BCL2: variants seen among roughly 807,000 people sequenced by gnomAD.
The protein encoded by BCL2 is apoptosis regulator Bcl-2.
A neutral mutation model predicts 14.2 loss-of-function variants in BCL2; 1 was observed. The ratio of observed to expected loss-of-function variants is 0.07; its 90% CI spans 0.02 to 0.33. The LOEUF is 0.33. Ranked by LOEUF, BCL2 falls within the 10% of genes least tolerant of loss-of-function variation. The probability of loss-of-function intolerance (pLI) is 0.99; values close to 1 mark genes in which losing one functional copy is unlikely to be tolerated. For synonymous variants in BCL2, 151 were observed against 137.2 expected (o/e 1.10, Z -0.70); for missense variants, 247 against 305.9 (o/e 0.81, Z 1.44).
chr18:63,306,658 T>C (rs1913145115), intron 2 of BCL2, among the ~76,000 whole-genome samples: 1 of 152,212 alleles, frequency 6.6e-6, no homozygotes, highest in East Asian at 1.9e-4. Flanking sequence ...AAGACTTCCT[T>C]GACTCCAATA....
chr18:63,265,057 C>CT (rs1911785427), intron 2 of BCL2, among the ~76,000 whole-genome samples: 1 of 152,174 alleles, frequency 6.6e-6, no homozygotes, highest in Non-Finnish European at 1.5e-5. Context: ...AGTGGAGAAG[C>CT]ACCTGTGGCA....
At chr18:63,266,211 T>C (rs757320825) in intron 2 of BCL2, among the ~76,000 whole-genome samples, 1 of 152,008 alleles carries the variant, frequency 6.6e-6, no homozygotes, top group Admixed American at 6.6e-5. Context: ...GGTATATCCC[T>C]ACAATGGGCT....
At chr18:63,228,418 C>G (rs1260486935) in intron 2 of BCL2, among the ~76,000 whole-genome samples, 4 of 152,166 alleles carry the variant, frequency 2.6e-5, no homozygotes, top group African/African-American at 9.7e-5. Context: ...AACAGCATAA[C>G]TTTATACCCC....
At chr18:63,235,951 A>G (rs1910818326) in intron 2 of BCL2, among the ~76,000 whole-genome samples, 1 of 152,218 alleles carries the variant, frequency 6.6e-6, no homozygotes, top group South Asian at 2.1e-4. Context: ...ATAAGATGAT[A>G]TGATTTGGCT....
intron 2 of BCL2, among the ~76,000 whole-genome samples, chr18:63,199,518 A>G (rs1292307395): frequency 6.6e-6 from 1 of 151,526 alleles, no homozygotes; most frequent in Non-Finnish European, 1.5e-5. Flanking sequence ...ACACAGAGAC[A>G]CACACAACAC....
At chr18:63,244,772 A>G (rs182016027) in intron 2 of BCL2, among the ~76,000 whole-genome samples, 38 of 152,320 alleles carry the variant, frequency 2.5e-4, no homozygotes, top group Admixed American at 4.6e-4. Context: ...AATCTCAAGG[A>G]AAGAAAGAAA....
intron 2 of BCL2, among the ~76,000 whole-genome samples, chr18:63,180,505 C>G (rs935166739): frequency 2.0e-5 from 3 of 151,864 alleles, no homozygotes; most frequent in African/African-American, 7.3e-5. Flanking sequence ...AGAAGCTGTC[C>G]GCCCACCCCA....
chr18:63,274,364 C>A (rs1349634816), intron 2 of BCL2, among the ~76,000 whole-genome samples: 1 of 141,824 alleles, frequency 7.1e-6, no homozygotes, highest in East Asian at 2.1e-4. Context: ...CTCACTGCAA[C>A]CTCCTCCTCT....
chr18:63,275,682 T>C (rs1912132287), intron 2 of BCL2, among the ~76,000 whole-genome samples: 2 of 152,232 alleles, frequency 1.3e-5, no homozygotes, highest in African/African-American at 2.4e-5. Flanking sequence ...TATCCAATTA[T>C]CTCTCTACTG....
Position 63,124,962 on chromosome 18 carries a change from A to T in BCL2, c.*3663T>A, listed in dbSNP as rs569181589. ...GGAATTAATTAGAGTTTAAGTTCAC[A>T]TTTATAAACTATTTGTTTTAGGATA... is the stretch of plus-strand genomic sequence containing the variant. On this transcript the variant is annotated 3_prime_UTR_variant, in exon 3 of 3. Transcript: ENST00000333681. 4 of 222,414 alleles carry T rather than the reference A, an allele frequency of 1.8e-5. No homozygotes were observed. The highest frequency in any genetic ancestry group is 3.6e-5 in the Non-Finnish European group (4 of 110,976). The allele number at this position is 222,414 out of a possible 1,614,324, so 13.8% of individuals were successfully genotyped here. A position where few individuals can be genotyped will look rare whatever the true frequency, so the allele number is the denominator to read the frequency against.
intron 2 of BCL2, among the ~76,000 whole-genome samples, chr18:63,220,497 A>G (rs1180612093): frequency 6.6e-6 from 1 of 152,206 alleles, no homozygotes; most frequent in Non-Finnish European, 1.5e-5. Context: ...AGGCTTCCTG[A>G]CACCAAACTC....
At chr18:63,297,061 A>C (rs1398177910) in intron 2 of BCL2, among the ~76,000 whole-genome samples, 1 of 151,956 alleles carries the variant, frequency 6.6e-6, no homozygotes, top group Non-Finnish European at 1.5e-5. Flanking sequence ...AAATACAAAA[A>C]ATTTAGCTGG....
chr18:63,276,175 C>T (rs1016699001), intron 2 of BCL2, among the ~76,000 whole-genome samples: 2 of 152,204 alleles, frequency 1.3e-5, no homozygotes, highest in African/African-American at 4.8e-5. Flanking sequence ...GGTACCTCTG[C>T]AGCTCACTCT....
rs533229451 is a variant in BCL2 at position 63,125,369 on chromosome 18, G to A, written c.*3256C>T. The A allele has an allele frequency of 1.8e-5, 4 of 224,690 alleles. No individual in the cohort carries two copies. The East Asian group carries it at 1.9e-4, about 11-fold the overall frequency. The allele number at this position is 224,690 out of a possible 1,614,324, so 13.9% of individuals were successfully genotyped here. On this transcript the variant is annotated 3_prime_UTR_variant, in exon 3 of 3. Transcript: ENST00000333681. ...GCCAAATCTTCGGAGACGACCCGAT[G>A]GCCATAGACCCTGTCAGCTGTCATT...
chr18:63,201,126 C>A (rs1909677865), intron 2 of BCL2, among the ~76,000 whole-genome samples: 1 of 152,196 alleles, frequency 6.6e-6, no homozygotes, highest in Non-Finnish European at 1.5e-5. Context: ...TGCTGCTACG[C>A]TGATAGCCAG....
chr18:63,200,525 C>G (rs1909660160), intron 2 of BCL2, among the ~76,000 whole-genome samples: 1 of 152,040 alleles, frequency 6.6e-6, no homozygotes, highest in Admixed American at 6.6e-5. Flanking sequence ...AAGGGACTGG[C>G]AAAAGTTTCT....
chr18:63,143,543 G>A (rs1415226123), intron 2 of BCL2, among the ~76,000 whole-genome samples: 1 of 152,260 alleles, frequency 6.6e-6, no homozygotes, highest in Admixed American at 6.5e-5. Context: ...CCCGTCAAAC[G>A]CTCAGGACCG....
chr18:63,181,200 T>C lies in BCL2; in HGVS notation c.586-52441A>G, dbSNP rs548602339. ...ATTTGGAGGATGCCAGTTTTAGAGT[T>C]CATCTCAGTTTGACTTGTAAATGAA... On this transcript the variant is annotated intron_variant, in intron 2 of 2. Coordinates refer to ENST00000333681, the MANE Select transcript of BCL2 (RefSeq NM_000633.3). Among the ~76,000 whole-genome samples, 263 of 152,342 alleles carry C rather than the reference T, an allele frequency of 1.7e-3. 2 individuals carry two copies. The highest frequency in any genetic ancestry group is 5.8e-3 in the African/African-American group (243 of 41,582).
chr18:63,213,553 C>A (rs71366962), intron 2 of BCL2, among the ~76,000 whole-genome samples: 226 of 105,290 alleles, frequency 2.1e-3, no homozygotes, highest in South Asian at 0.014. Flanking sequence ...CATAAACACA[C>A]ACACACACAC....
Sources: gnomAD v4.1 joint callset for allele counts (sites outside exome capture counted in the v4.1 genomes callset) on GRCh38, gnomAD v4.1.1 for gene constraint, MANE v1.5 for transcripts, NCBI Gene and HGNC (gene_info 2026-07-23, HGNC 2026-07-21) for gene names.